GDAP2: variants seen among roughly 807,000 people sequenced by gnomAD.
The protein encoded by GDAP2 is ganglioside-induced differentiation-associated protein 2.
A neutral mutation model predicts 67.0 loss-of-function variants in GDAP2; 51 were observed. The ratio of observed to expected loss-of-function variants is 0.76; its 90% CI spans 0.61 to 0.96. The LOEUF (loss-of-function observed/expected upper bound fraction) is 0.96, where lower values mean the gene tolerates loss of function less well. GDAP2 is among the 40% of genes least tolerant of loss of function. GDAP2 has a pLI of 0.00. For synonymous variants in GDAP2, 203 were observed against 207.3 expected (o/e 0.98, Z 0.18); for missense variants, 547 against 588.3 (o/e 0.93, Z 0.73).
intron 10 of GDAP2, among the ~76,000 whole-genome samples, chr1:117,885,610 GAAT>G (rs1395093830): frequency 6.6e-6 from 1 of 152,100 alleles, no homozygotes; most frequent in African/African-American, 2.4e-5. Flanking sequence ...ATGACCCTGT[GAAT>G]AATATGCCTG....
chr1:117,896,830 T>C lies in GDAP2; in HGVS notation c.953+3A>G, dbSNP rs1649280202. 6.2e-7 allele frequency: 1 copy of C among 1,607,654 alleles called. No homozygotes were observed. Among genetic ancestry groups the C allele is most frequent in the South Asian group, 1.1e-5 (1 of 90,070 alleles). ...ATCTAACAGTCCTGAAGGGTTGTCT[T>C]ACTTTCTTTGATGCTGCTTCTGCAG... On this transcript the variant is annotated splice_donor_region_variant and intron_variant, in intron 8 of 13. Transcript: ENST00000369443.
chr1:117,920,122 G>A (rs1006331179), intron 2 of GDAP2, 60 bp downstream of exon 2: 8 of 959,998 alleles, frequency 8.3e-6, no homozygotes, highest in Admixed American at 2.1e-5. Flanking sequence ...TAAAAAAGAG[G>A]TTAGAATAAA....
Position 117,874,225 on chromosome 1 carries a change from G to A in GDAP2, c.1447-3609C>T, listed in dbSNP as rs145228889. ...CCCATGCTGGAAGTAGGGCCTAGTC[G>A]GAGGTGTTTGGGTCATGGGGCAGAT... is the stretch of plus-strand genomic sequence containing the variant. On this transcript the variant is annotated intron_variant, in intron 13 of 13. Coordinates refer to ENST00000369443, the MANE Select transcript of GDAP2 (RefSeq NM_017686.4). 5.9e-3 allele frequency among the ~76,000 whole-genome samples: 899 copies of A among 152,260 alleles called. 4 individuals carry two copies. Among genetic ancestry groups the A allele is most frequent in the Admixed American group, 6.8e-3 (104 of 15,294 alleles).
intron 11 of GDAP2, chr1:117,883,274 G>A (rs981516467): frequency 4.5e-6 from 2 of 448,788 alleles, no homozygotes; most frequent in Non-Finnish European, 8.0e-6. Flanking sequence ...CACAAAGATT[G>A]GTAATGTAAA....
intron 5 of GDAP2, among the ~76,000 whole-genome samples, chr1:117,908,225 C>A (rs778855931): frequency 6.6e-5 from 10 of 151,968 alleles, no homozygotes; most frequent in Non-Finnish European, 1.3e-4. Flanking sequence ...CATTTTATAG[C>A]TAGACTAAGC....
intron 3 of GDAP2, among the ~76,000 whole-genome samples, chr1:117,915,499 A>G (rs549513262): frequency 6.6e-6 from 1 of 152,364 alleles, no homozygotes; most frequent in East Asian, 1.9e-4. Flanking sequence ...GAAATTTTAA[A>G]TATGGTCTGG....
chr1:117,912,708 A>C, intron 3 of GDAP2, 25 bp from the exon 4 acceptor site: 1 of 1,594,354 alleles, frequency 6.3e-7, no homozygotes, highest in South Asian at 1.1e-5. Context: ...AACACACATA[A>C]GTTTGGATGT....
chr1:117,908,548 C>T (rs60990560), intron 5 of GDAP2, among the ~76,000 whole-genome samples: 5,774 of 152,224 alleles, frequency 0.038, 226 homozygotes, highest in African/African-American at 0.094. Flanking sequence ...TTCAGCAGGA[C>T]ATGGAGGCTC....
At position 117,869,459 on chromosome 1, in the gene GDAP2, T is replaced by C. The variant is rs890887448; in HGVS notation, c.*1110A>G. On this transcript the variant is annotated 3_prime_UTR_variant, in exon 14 of 14. Coordinates refer to ENST00000369443, the MANE Select transcript of GDAP2 (RefSeq NM_017686.4). ...GTGCTGTGTAGCATTCCCTCATATA[T>C]ATTTATTCCCATTTAAAAACTAACT... 2.0e-5 allele frequency: 3 copies of C among 152,646 alleles called. No homozygotes were observed. Among genetic ancestry groups the C allele is most frequent in the African/African-American group, 2.4e-5 (1 of 41,536 alleles). 9.5% of individuals were successfully genotyped at this position (152,646 alleles called of 1,614,324 possible).
intron 8 of GDAP2, among the ~76,000 whole-genome samples, chr1:117,891,274 T>C (rs1649074433): frequency 6.6e-6 from 1 of 151,636 alleles, no homozygotes; most frequent in African/African-American, 2.4e-5. Context: ...GGTATACATG[T>C]GCATGATTGC....
At chr1:117,905,799 A>G (rs1316912766) in intron 6 of GDAP2, among the ~76,000 whole-genome samples, 1 of 152,188 alleles carries the variant, frequency 6.6e-6, no homozygotes, top group East Asian at 1.9e-4. Flanking sequence ...AAAAGTACAT[A>G]TATATGTTAT....
In GDAP2 at chr1:117,906,495, T is replaced by C; in HGVS notation, c.636+11A>G. ...AATAAGATTTAAATAACGTAACAGT[T>C]AGCAAAATACCTCTTCAAGATCAGA... On this transcript the variant is annotated intron_variant, in intron 6 of 13. Coordinates refer to ENST00000369443, the MANE Select transcript of GDAP2 (RefSeq NM_017686.4). The C allele has an allele frequency of 1.4e-6, 2 of 1,424,956 alleles. No individual in the cohort carries two copies. Among genetic ancestry groups the C allele is most frequent in the Non-Finnish European group, 2.0e-6 (2 of 1,020,236 alleles). 88.3% of individuals were successfully genotyped at this position (1,424,956 alleles called of 1,614,324 possible). A position where few individuals can be genotyped will look rare whatever the true frequency, so the allele number is the denominator to read the frequency against.
chr1:117,880,086 A>G (rs570768155), intron 12 of GDAP2, among the ~76,000 whole-genome samples: 1 of 152,238 alleles, frequency 6.6e-6, no homozygotes, highest in East Asian at 1.9e-4. Context: ...TCTGGAGGCC[A>G]AGGTGGGAGG....
At chr1:117,874,104 G>A (rs564759207) in intron 13 of GDAP2, among the ~76,000 whole-genome samples, 3 of 152,276 alleles carry the variant, frequency 2.0e-5, no homozygotes, top group Admixed American at 6.5e-5. Context: ...TGTATCCAGC[G>A]ATGTGCTCTC....
In GDAP2 at chr1:117,864,110, T is replaced by C. The variant is rs1164771914; in HGVS notation, c.*6459A>G. ...TTGTGGAGTATATATGTGTTGGGTG[T>C]AGGAAAGTGCCCATGAACTTACTAT... On this transcript the variant is annotated 3_prime_UTR_variant, in exon 14 of 14. Transcript: ENST00000369443. The C allele has an allele frequency of 6.6e-6, 1 of 152,234 alleles. No homozygotes were observed. The highest frequency in any genetic ancestry group is 1.9e-4 in the East Asian group (1 of 5,208). The allele number at this position is 152,234 out of a possible 1,614,324, so 9.4% of individuals were successfully genotyped here.
chr1:117,909,199 A>G (rs575698166), intron 5 of GDAP2, among the ~76,000 whole-genome samples: 24 of 152,222 alleles, frequency 1.6e-4, no homozygotes, highest in Non-Finnish European at 3.5e-4. Flanking sequence ...GGACATTATA[A>G]TTCCCCATCT....
intron 7 of GDAP2, among the ~76,000 whole-genome samples, chr1:117,898,854 C>T (rs999009189): frequency 6.6e-6 from 1 of 152,164 alleles, no homozygotes; most frequent in East Asian, 1.9e-4. Context: ...CTGTCTAACA[C>T]AGACTTGACG....
chr1:117,906,596 T>C lies in GDAP2; in HGVS notation c.560-14A>G, dbSNP rs754869472. The C allele has an allele frequency of 5.3e-6, 7 of 1,327,350 alleles. No homozygotes were observed. Among genetic ancestry groups the C allele is most frequent in the East Asian group, 2.3e-5 (1 of 43,454 alleles). The allele number at this position is 1,327,350 out of a possible 1,614,324, so 82.2% of individuals were successfully genotyped here. A position where few individuals can be genotyped will look rare whatever the true frequency, so the allele number is the denominator to read the frequency against. The stretch of plus-strand genomic sequence containing the variant: ...TTCTTACAGTGCCTAAGGAAAAGAA[T>C]AGAAAGATTACTCAATAAATAAAAA... On this transcript the variant is annotated splice_polypyrimidine_tract_variant and intron_variant, in intron 5 of 13. Coordinates refer to ENST00000369443, the MANE Select transcript of GDAP2 (RefSeq NM_017686.4).
Position 117,887,777 on chromosome 1 carries a change from A to G in GDAP2, c.954-3T>C, listed in dbSNP as rs1648917575. ...CTTGACATAACCAGCGATTATAACT[A>G]GGGAAATAAATGATATAATCATTAT... On this transcript the variant is annotated splice_region_variant and splice_polypyrimidine_tract_variant and intron_variant, in intron 8 of 13. Coordinates refer to ENST00000369443, the MANE Select transcript of GDAP2 (RefSeq NM_017686.4). 15 of 1,489,520 alleles carry G rather than the reference A, an allele frequency of 1.0e-5. No individual in the cohort carries two copies. The highest frequency in any genetic ancestry group is 1.4e-5 in the Non-Finnish European group (15 of 1,068,282). 92.3% of individuals were successfully genotyped at this position (1,489,520 alleles called of 1,614,324 possible). A position where few individuals can be genotyped will look rare whatever the true frequency, so the allele number is the denominator to read the frequency against.
Sources: allele counts gnomAD v4.1 joint callset (sites outside exome capture counted in the v4.1 genomes callset), GRCh38; gene constraint gnomAD v4.1.1; transcripts MANE v1.5; gene names NCBI Gene and HGNC (gene_info 2026-07-23, HGNC 2026-07-21).